Variants in TJP2 observed in about 807,000 individuals in gnomAD.
TJP2 encodes the protein Friedreich ataxia region gene X104 (tight junction protein ZO-2).
A neutral mutation model predicts 133.1 loss-of-function variants in TJP2; 91 were observed. The ratio of observed to expected loss-of-function variants is 0.68; its 90% CI spans 0.58 to 0.81. The LOEUF (loss-of-function observed/expected upper bound fraction) is 0.81. Among genes scored for constraint, TJP2 ranks in the 40% least tolerant of loss-of-function variants. The pLI, the probability that TJP2 is intolerant of heterozygous loss-of-function variation, is 0.00. For synonymous variants in TJP2, 592 were observed against 583.4 expected (o/e 1.01, Z -0.21); for missense variants, 1,541 against 1,565.6 (o/e 0.98, Z 0.26).
At chr9:69,129,988 C>A (rs149926244) in intron 1 of TJP2, among the ~76,000 whole-genome samples, 1 of 143,972 alleles carries the variant, frequency 6.9e-6, no homozygotes, top group Admixed American at 7.2e-5. Flanking sequence ...GCACTCCAGC[C>A]TGGGGGACAA....
At chr9:69,191,913 A>G (rs1271145666) in intron 1 of TJP2, among the ~76,000 whole-genome samples, 1 of 61,716 alleles carries the variant, frequency 1.6e-5, no homozygotes, top group Non-Finnish European at 3.2e-5. Flanking sequence ...ATTTTTGTAT[A>G]TTTAGTAGAG....
chr9:69,236,267 C>A, intron 13 of TJP2, 29 bp downstream of exon 13: 1 of 1,609,528 alleles, frequency 6.2e-7, no homozygotes, highest in South Asian at 1.1e-5. Flanking sequence ...TCACATACCC[C>A]TTTTAATCCT....
chr9:69,222,430 T>G (rs996619769), intron 5 of TJP2, among the ~76,000 whole-genome samples: 8 of 152,136 alleles, frequency 5.3e-5, no homozygotes, highest in Admixed American at 1.3e-4. Context: ...CCTCCCAAAG[T>G]GCTGGGATTA....
At chr9:69,210,285 T>TG (rs1827776094) in intron 1 of TJP2, among the ~76,000 whole-genome samples, 1 of 17,196 alleles carries the variant, frequency 5.8e-5, no homozygotes, top group African/African-American at 1.8e-4. Flanking sequence ...TGAGACCCCG[T>TG]CCCCCCCCCC....
At chr9:69,122,341 C>G (rs956820846) in intron 1 of TJP2, 2 of 152,294 alleles carry the variant, frequency 1.3e-5, no homozygotes, top group Non-Finnish European at 2.9e-5. Flanking sequence ...CGCTGAGCCT[C>G]CGCCGCGGGG....
At chr9:69,186,657 A>T (rs1466575977) in intron 1 of TJP2, among the ~76,000 whole-genome samples, 1 of 152,202 alleles carries the variant, frequency 6.6e-6, no homozygotes. Flanking sequence ...CATTGACCTA[A>T]TTCACTCCTT....
At chr9:69,239,800 C>G in intron 16 of TJP2, 137 bp from the exon 17 acceptor site, 2 of 865,222 alleles carry the variant, frequency 2.3e-6, no homozygotes, top group Non-Finnish European at 3.7e-6. Context: ...GGCAACAGAG[C>G]AAGAATCTAT....
rs1400770591 is a variant in TJP2 at position 69,225,417 on chromosome 9, TG to T, written c.1056+15del. On this transcript the variant is annotated intron_variant, in intron 6 of 22. Transcript: ENST00000377245. ...AGACATAATTCTCAAGGTGGGTAGA[TG>T]GGGGCAGAGAACGGTAGTGTGCATA... 6.3e-7 allele frequency: 1 copy of T among 1,589,110 alleles called. No individual in the cohort carries two copies. The highest frequency in any genetic ancestry group is 8.6e-7 in the Non-Finnish European group (1 of 1,157,860).
At chr9:69,240,251 G>C (rs1588140509) in intron 17 of TJP2, 104 bp downstream of exon 17, 2 of 1,144,878 alleles carry the variant, frequency 1.7e-6, no homozygotes, top group Non-Finnish European at 2.5e-6. Flanking sequence ...TTGAAATTGT[G>C]TTCATGACTC....
chr9:69,184,777 G>T (rs1208437481), intron 1 of TJP2, among the ~76,000 whole-genome samples: 1 of 145,730 alleles, frequency 6.9e-6, no homozygotes, highest in East Asian at 2.0e-4. Context: ...TTTTGAGACG[G>T]GCTTGCTCTG....
chr9:69,231,154 G>T (rs1241577023), intron 11 of TJP2, among the ~76,000 whole-genome samples: 8 of 152,020 alleles, frequency 5.3e-5, no homozygotes, highest in Non-Finnish European at 7.4e-5. Flanking sequence ...CTGTCACCCA[G>T]GCTGGAGTGC....
intron 1 of TJP2, among the ~76,000 whole-genome samples, chr9:69,202,501 C>T (rs958905009): frequency 6.6e-6 from 1 of 152,120 alleles, no homozygotes; most frequent in Non-Finnish European, 1.5e-5. Flanking sequence ...CTTTTGACTC[C>T]CCCAAAACTT....
intron 1 of TJP2, among the ~76,000 whole-genome samples, chr9:69,179,913 A>C (rs1469037408): frequency 6.6e-6 from 1 of 152,216 alleles, no homozygotes; most frequent in Non-Finnish European, 1.5e-5. Context: ...CTTATGTCAC[A>C]TTCTTGAGTA....
intron 17 of TJP2, among the ~76,000 whole-genome samples, chr9:69,244,837 G>T (rs557884430): frequency 1.3e-5 from 2 of 152,306 alleles, no homozygotes; most frequent in East Asian, 3.9e-4. Flanking sequence ...TGTGAATTCA[G>T]TAAGAGCTTT....
At chr9:69,137,628 T>G (rs1414054051) in intron 1 of TJP2, among the ~76,000 whole-genome samples, 5 of 152,032 alleles carry the variant, frequency 3.3e-5, no homozygotes, top group Admixed American at 6.6e-5. Context: ...CCTCCCAAAG[T>G]GCTGGGAATA....
intron 2 of TJP2, among the ~76,000 whole-genome samples, chr9:69,161,214 A>ATGTGTG (rs111442939): frequency 0.013 from 1,925 of 148,400 alleles, 40 homozygotes; most frequent in African/African-American, 0.044. Context: ...GTCATCAGTG[A>ATGTGTG]TGTGTGTGTG....
chr9:69,156,806 A>T (rs988825991), intron 2 of TJP2, among the ~76,000 whole-genome samples: 1 of 152,230 alleles, frequency 6.6e-6, no homozygotes, highest in African/African-American at 2.4e-5. Flanking sequence ...GGCGTGAGCC[A>T]CCGCGCCCGG....
At chr9:69,223,075 A>G (rs1192610966) in intron 5 of TJP2, among the ~76,000 whole-genome samples, 27 of 61,900 alleles carry the variant, frequency 4.4e-4, no homozygotes, top group African/African-American at 2.6e-3. Flanking sequence ...TCTTGAAAAA[A>G]AAAAAAAAAA....
intron 1 of TJP2, among the ~76,000 whole-genome samples, chr9:69,198,655 T>C (rs7043149): frequency 0.51 from 77,094 of 152,114 alleles, 20,096 homozygotes; most frequent in East Asian, 0.63. Flanking sequence ...AAGCAAGCTG[T>C]GTCCATTGTG....
Sources: gnomAD v4.1 joint callset for allele counts (sites outside exome capture counted in the v4.1 genomes callset) on GRCh38, gnomAD v4.1.1 for gene constraint, MANE v1.5 for transcripts, NCBI Gene and HGNC (gene_info 2026-07-23, HGNC 2026-07-21) for gene names.